RYR3: variants seen among roughly 807,000 people sequenced by gnomAD.
The protein encoded by RYR3 is brain ryanodine receptor-calcium release channel.
Under a neutral mutation model 584.3 loss-of-function variants are expected in RYR3, and 207 were observed. The observed-to-expected ratio is 0.35, with a 90% CI of 0.32 to 0.40. The LOEUF (loss-of-function observed/expected upper bound fraction) is 0.40. Among genes scored for constraint, RYR3 ranks in the 10% least tolerant of loss-of-function variants. RYR3 has a pLI of 1.00. For synonymous variants in RYR3, 2,416 were observed against 2,248.5 expected, an observed-to-expected ratio of 1.07 and a Z score of -2.11; for missense variants, 5,616 against 6,089.2, an observed-to-expected ratio of 0.92 and a Z score of 2.59.
chr15:33,326,665 G>C (rs990185616), intron 1 of RYR3, among the ~76,000 whole-genome samples: 1 of 152,128 alleles, frequency 6.6e-6, no homozygotes. Context: ...TATGTGACAT[G>C]TTCAGGGAAC....
At chr15:33,495,708 C>T (rs1242176527) in intron 2 of RYR3, among the ~76,000 whole-genome samples, 1 of 152,154 alleles carries the variant, frequency 6.6e-6, no homozygotes, top group East Asian at 1.9e-4. Context: ...TAGCCAACAG[C>T]ATCAGATTTA....
At chr15:33,540,921 G>T in intron 7 of RYR3, 31 bp downstream of exon 7, 1 of 1,383,472 alleles carries the variant, frequency 7.2e-7, no homozygotes, top group Non-Finnish European at 1.0e-6. Flanking sequence ...TTAGCCCTGA[G>T]CCTGCCTATC....
chr15:33,813,881 A>C, intron 74 of RYR3: 1 of 233,772 alleles, frequency 4.3e-6, no homozygotes, highest in Non-Finnish European at 8.3e-6. Flanking sequence ...CTTGGTTAGC[A>C]TGTAAAGACT....
At chr15:33,699,591 A>C (rs2066144530) in intron 40 of RYR3, 113 bp from the exon 41 acceptor site, 4 of 899,046 alleles carry the variant, frequency 4.4e-6, no homozygotes, top group Non-Finnish European at 6.6e-6. Flanking sequence ...GGAAGGAGAA[A>C]GTTCATTTTT....
chr15:33,726,759 T>C (rs1462328008), intron 46 of RYR3, among the ~76,000 whole-genome samples: 1 of 152,246 alleles, frequency 6.6e-6, no homozygotes, highest in Non-Finnish European at 1.5e-5. Context: ...ATTTCTGTGG[T>C]ATAAACTTTC....
Position 33,660,283 on chromosome 15 carries a change from C to CA in RYR3, c.4483dup (p.Ile1495AsnfsTer56). The CA allele has an allele frequency of 6.4e-7, 1 of 1,562,668 alleles. No individual in the cohort carries two copies. The highest frequency in any genetic ancestry group is 8.7e-7 in the Non-Finnish European group (1 of 1,153,506). ...GTCCACCTCGGCTGGACGTCCAAAC[C>CA]ATCCAGCCCGTGCTCTGGAGCCGCA... On this transcript the variant is annotated frameshift_variant, in exon 34 of 104. Coordinates refer to ENST00000634891, the MANE Select transcript of RYR3 (RefSeq NM_001036.6). LOFTEE classifies it high-confidence loss of function.
chr15:33,805,710 G>C (rs8042503), intron 69 of RYR3, among the ~76,000 whole-genome samples: 7,728 of 150,094 alleles, frequency 0.051, 352 homozygotes, highest in East Asian at 0.25. Flanking sequence ...ATCTCCTGAC[G>C]TCATGATCCG....
Position 33,722,799 on chromosome 15 carries a change from A to AG in RYR3, c.6710dup (p.Asn2238LysfsTer12), listed in dbSNP as rs751516213. 2 of 1,613,096 alleles carry AG rather than the reference A, an allele frequency of 1.2e-6. No individual in the cohort carries two copies. Among genetic ancestry groups the AG allele is most frequent in the South Asian group, 1.1e-5 (1 of 90,820 alleles). On this transcript the variant is annotated frameshift_variant, in exon 44 of 104. Coordinates refer to ENST00000634891, the MANE Select transcript of RYR3 (RefSeq NM_001036.6). LOFTEE classifies it high-confidence loss of function. ...TGCTTCGGCCCGGCCCTGCGGGGTG[A>AG]GGGGGGAAACGGGCTCTTGGCAGCC... is the stretch of plus-strand genomic sequence containing the variant.
chr15:33,760,240 A>G (rs543489503), intron 60 of RYR3, among the ~76,000 whole-genome samples: 1 of 152,344 alleles, frequency 6.6e-6, no homozygotes, highest in African/African-American at 2.4e-5. Flanking sequence ...AATGGGCAAA[A>G]TAACCCGCTA....
intron 80 of RYR3, 29 bp downstream of exon 80, chr15:33,821,631 G>T (rs756365405): frequency 1.9e-6 from 3 of 1,606,216 alleles, no homozygotes; most frequent in South Asian, 2.2e-5. Context: ...GGCTGGGCAG[G>T]CTCCCGGGGT....
intron 2 of RYR3, among the ~76,000 whole-genome samples, chr15:33,478,378 C>G (rs1041104127): frequency 6.6e-6 from 1 of 152,158 alleles, no homozygotes. Context: ...GCCTCACGTA[C>G]CATAGGAACC....
chr15:33,558,722 C>T (rs998657939), intron 10 of RYR3, among the ~76,000 whole-genome samples: 2 of 151,990 alleles, frequency 1.3e-5, no homozygotes, highest in African/African-American at 4.8e-5. Context: ...GCTAGTATAC[C>T]AACAACAAGA....
intron 12 of RYR3, among the ~76,000 whole-genome samples, chr15:33,579,073 CA>C (rs2058464226): frequency 1.3e-5 from 2 of 151,818 alleles, no homozygotes; most frequent in Admixed American, 1.3e-4. Flanking sequence ...AGGAGGAACA[CA>C]ACAGGGAGAG....
intron 19 of RYR3, among the ~76,000 whole-genome samples, chr15:33,622,405 G>T (rs1041344695): frequency 2.0e-5 from 3 of 152,152 alleles, no homozygotes; most frequent in African/African-American, 7.2e-5. Flanking sequence ...ACCCCTCAGA[G>T]TTAGCTCGCA....
At chr15:33,771,062 G>T (rs541943283) in intron 62 of RYR3, among the ~76,000 whole-genome samples, 2 of 152,228 alleles carry the variant, frequency 1.3e-5, no homozygotes, top group East Asian at 3.9e-4. Context: ...TTTTCCAGAG[G>T]TCTGATTAAG....
intron 19 of RYR3, among the ~76,000 whole-genome samples, chr15:33,618,748 G>A (rs1223738029): frequency 2.6e-5 from 4 of 152,178 alleles, no homozygotes; most frequent in Admixed American, 1.3e-4. Context: ...GATTTTACAC[G>A]TTTGCTAGCA....
intron 67 of RYR3, among the ~76,000 whole-genome samples, chr15:33,794,357 A>ATGTGTATATATT (rs2075452774): frequency 7.3e-6 from 1 of 136,538 alleles, no homozygotes. Flanking sequence ...AAATATATAT[A>ATGTGTATATATT]TATATAAAAT....
Position 33,566,795 on chromosome 15 carries a change from G to C in RYR3, c.1264G>C (p.Val422Leu). 6.2e-7 allele frequency: 1 copy of C among 1,613,678 alleles called. No individual in the cohort carries two copies. The highest frequency in any genetic ancestry group is 8.5e-7 in the Non-Finnish European group (1 of 1,179,668). ...CACTACAGCCTTATTCAGCCAGTTT[G>C]TCAGGTATGTTAGCTCCTTTCCTCC... ...RNTTALFSQF[V>L]SGNNRTAAPI... The change falls in exon 12 of 104, where the codon GTC (valine) becomes CTC (leucine). Residue 422 changes from valine (V) to leucine (L), a missense_variant. Around this residue, in one of 9 missense-constraint regions of RYR3, gnomAD observed 1,284 missense variants for 1,344.6 expected, o/e 0.95. Coordinates refer to ENST00000634891, the MANE Select transcript of RYR3 (RefSeq NM_001036.6).
intron 43 of RYR3, among the ~76,000 whole-genome samples, chr15:33,707,320 G>C (rs1394123941): frequency 6.6e-6 from 1 of 152,050 alleles, no homozygotes; most frequent in Non-Finnish European, 1.5e-5. Flanking sequence ...CCGCAGAGAG[G>C]TCATCTCTCT....
Sources: allele counts gnomAD v4.1 joint callset (sites outside exome capture counted in the v4.1 genomes callset), GRCh38; gene constraint gnomAD v4.1.1; regional missense constraint gnomAD v4.1.1; transcripts MANE v1.5; gene names NCBI Gene and HGNC (gene_info 2026-07-23, HGNC 2026-07-21).